AGBL1: variants seen among roughly 807,000 people sequenced by gnomAD.
AGBL1 encodes the protein AGBL carboxypeptidase 1.
Under a neutral mutation model 118.9 loss-of-function variants are expected in AGBL1, and 130 were observed. The ratio of observed to expected loss-of-function variants is 1.09; its 90% CI spans 0.95 to 1.26. The LOEUF (loss-of-function observed/expected upper bound fraction) is 1.26. Ranked by LOEUF, AGBL1 falls within the 50% of genes most tolerant of loss-of-function variation. The pLI, the probability that AGBL1 is intolerant of heterozygous loss-of-function variation, is 0.00. For missense variants in AGBL1, 1,584 were observed against 1,298.1 expected (o/e 1.22, Z -3.38); for synonymous variants, 555 against 478.9 (o/e 1.16, Z -2.08).
chr15:86,655,374 G>A (rs1407176993), intron 21 of AGBL1, among the ~76,000 whole-genome samples: 2 of 152,046 alleles, frequency 1.3e-5, no homozygotes, highest in Non-Finnish European at 2.9e-5. Context: ...ACCAATACAC[G>A]CAATGATGTC....
At chr15:86,393,882 T>C (rs1162166550) in intron 17 of AGBL1, among the ~76,000 whole-genome samples, 2 of 152,224 alleles carry the variant, frequency 1.3e-5, no homozygotes, top group Non-Finnish European at 2.9e-5. Flanking sequence ...ATGGGATTAG[T>C]ACTTTAAGAA....
At chr15:86,368,425 A>G (rs1596024533) in intron 17 of AGBL1, among the ~76,000 whole-genome samples, 1 of 152,244 alleles carries the variant, frequency 6.6e-6, no homozygotes, top group East Asian at 1.9e-4. Context: ...ATGACATCAA[A>G]TATATAAAAA....
At chr15:86,685,339 A>G (rs2086034305) in intron 22 of AGBL1, among the ~76,000 whole-genome samples, 1 of 152,146 alleles carries the variant, frequency 6.6e-6, no homozygotes. Flanking sequence ...CTCATCATAG[A>G]CTTACTGATT....
intron 18 of AGBL1, among the ~76,000 whole-genome samples, chr15:86,479,879 TA>T (rs1478819644): frequency 6.6e-6 from 1 of 152,028 alleles, no homozygotes; most frequent in African/African-American, 2.4e-5. Context: ...ATGTGGCACA[TA>T]TACACCATGG....
chr15:86,966,774 C>T (rs964531780), intron 23 of AGBL1, among the ~76,000 whole-genome samples: 13 of 151,914 alleles, frequency 8.6e-5, no homozygotes, highest in East Asian at 5.8e-4. Context: ...TGAATAATGC[C>T]GCAATAAACA....
intron 24 of AGBL1, among the ~76,000 whole-genome samples, chr15:87,024,333 T>C (rs2701433): frequency 0.57 from 86,543 of 151,800 alleles, 27,403 homozygotes; most frequent in African/African-American, 0.85. Flanking sequence ...AAAGATCATT[T>C]AAGGCTACTA....
chr15:86,487,383 C>T (rs1324005631), intron 18 of AGBL1, among the ~76,000 whole-genome samples: 1 of 152,058 alleles, frequency 6.6e-6, no homozygotes, highest in Non-Finnish European at 1.5e-5. Flanking sequence ...GCTGTGGACT[C>T]CTTGCCAATG....
intron 21 of AGBL1, among the ~76,000 whole-genome samples, chr15:86,651,068 G>A (rs534505804): frequency 6.6e-6 from 1 of 152,266 alleles, no homozygotes; most frequent in East Asian, 1.9e-4. Flanking sequence ...CCTTTCCTAT[G>A]TTTCCTATAT....
chr15:86,234,402 T>A (rs2078503814), intron 6 of AGBL1, among the ~76,000 whole-genome samples: 1 of 151,870 alleles, frequency 6.6e-6, no homozygotes, highest in African/African-American at 2.4e-5. Context: ...AATACAAAAA[T>A]TAGCTGTGCG....
chr15:86,722,029 A>G (rs1464543676), intron 22 of AGBL1, among the ~76,000 whole-genome samples: 1 of 152,138 alleles, frequency 6.6e-6, no homozygotes, highest in African/African-American at 2.4e-5. Context: ...ATGGAAGAAC[A>G]TTCCATGCTC....
chr15:86,264,557 C>T lies in AGBL1; in HGVS notation c.1386C>T (p.Ser462=), dbSNP rs1241072962. 3 of 1,613,982 alleles carry T rather than the reference C, an allele frequency of 1.9e-6. No individual in the cohort carries two copies. Among genetic ancestry groups the T allele is most frequent in the Non-Finnish European group, 2.5e-6 (3 of 1,179,882 alleles). Residue 462 remains serine, a synonymous_variant, in exon 11 of 23, where the codon TCC becomes TCT. Transcript: ENST00000614907. ...SESEIPDIQA[S]PKADAWDVDA... is the part of the protein sequence containing the mutation. ...GTGAAATCCCTGACATTCAGGCTTC[C>T]CCGAAAGCAGATGCCTGGGACGTAG...
intron 17 of AGBL1, among the ~76,000 whole-genome samples, chr15:86,387,118 T>A (rs1213988246): frequency 3.3e-5 from 5 of 152,114 alleles, no homozygotes; most frequent in African/African-American, 9.7e-5. Context: ...CATGGTGAGT[T>A]GTACACAGTT....
At chr15:86,883,602 T>C (rs1187604530) in intron 22 of AGBL1, among the ~76,000 whole-genome samples, 1 of 152,150 alleles carries the variant, frequency 6.6e-6, no homozygotes, top group East Asian at 1.9e-4. Context: ...CACCAAACTC[T>C]ACCGTAATTG....
intron 17 of AGBL1, among the ~76,000 whole-genome samples, chr15:86,389,819 A>T (rs1282013473): frequency 1.3e-5 from 2 of 152,172 alleles, no homozygotes; most frequent in African/African-American, 4.8e-5. Flanking sequence ...ACAATGGGAA[A>T]AAAACAATCA....
At chr15:86,238,576 T>C (rs1297555022) in intron 6 of AGBL1, among the ~76,000 whole-genome samples, 1 of 152,202 alleles carries the variant, frequency 6.6e-6, no homozygotes, top group East Asian at 1.9e-4. Flanking sequence ...AAGTCTATCA[T>C]CAACTGTGAG....
chr15:86,755,838 TAAG>T (rs2077930829), intron 22 of AGBL1, among the ~76,000 whole-genome samples: 1 of 152,086 alleles, frequency 6.6e-6, no homozygotes, highest in African/African-American at 2.4e-5. Context: ...GCTTCACCCT[TAAG>T]AAGGAAGGAT....
intron 22 of AGBL1, among the ~76,000 whole-genome samples, chr15:86,741,271 C>T (rs1032259371): frequency 1.3e-5 from 2 of 150,276 alleles, no homozygotes; most frequent in Non-Finnish European, 3.0e-5. Flanking sequence ...GGAAGACAAA[C>T]AATACTGCTG....
intron 17 of AGBL1, among the ~76,000 whole-genome samples, chr15:86,321,713 C>G (rs1189014206): frequency 6.6e-6 from 1 of 151,768 alleles, no homozygotes; most frequent in Non-Finnish European, 1.5e-5. Flanking sequence ...GGAGGTGAAG[C>G]CTGCAGTTAG....
intron 17 of AGBL1, among the ~76,000 whole-genome samples, chr15:86,382,393 G>T: frequency 6.6e-6 from 1 of 152,278 alleles, no homozygotes; most frequent in East Asian, 1.9e-4. Context: ...AATATTCTCC[G>T]TCAGGCTCTC....
Sources: allele counts gnomAD v4.1 joint callset (sites outside exome capture counted in the v4.1 genomes callset), GRCh38; gene constraint gnomAD v4.1.1; transcripts MANE v1.5; gene names NCBI Gene and HGNC (gene_info 2026-07-23, HGNC 2026-07-21).